Variants in OPHN1 observed in about 807,000 individuals in gnomAD.
The protein encoded by OPHN1 is oligophrenin 1, also known as oligophrenin-1.
Under a neutral mutation model 60.7 loss-of-function variants are expected in OPHN1, and 11 were observed. The ratio of observed to expected loss-of-function variants is 0.18; its 90% CI spans 0.11 to 0.30. The LOEUF (loss-of-function observed/expected upper bound fraction) is 0.30, where lower values mean the gene tolerates loss of function less well. OPHN1 is among the 10% of genes least tolerant of loss of function. OPHN1 has a pLI of 1.00. For synonymous variants in OPHN1, 226 were observed against 222.6 expected, an observed-to-expected ratio of 1.02 and a Z score of -0.14; for missense variants, 449 against 611.0, an observed-to-expected ratio of 0.73 and a Z score of 2.80.
intron 21 of OPHN1, among the ~76,000 whole-genome samples, chrX:68,057,242 G>A (rs985743730): frequency 5.4e-5 from 6 of 111,526 alleles, no homozygotes; most frequent in African/African-American, 1.6e-4. Context: ...ACCCTCATAC[G>A]TCCTAGTTTT....
intron 2 of OPHN1, among the ~76,000 whole-genome samples, chrX:68,318,650 A>C (rs760895025): frequency 2.7e-5 from 3 of 112,082 alleles, no homozygotes; most frequent in African/African-American, 6.5e-5. Context: ...TGTCACAACT[A>C]GTGAATATTG....
chrX:68,111,336 G>A (rs1292410506), intron 18 of OPHN1, among the ~76,000 whole-genome samples: 1 of 112,290 alleles, frequency 8.9e-6, no homozygotes. Context: ...GCCTATCTCA[G>A]TGCCTGTCAC....
chrX:68,122,145 G>A (rs2077152976), intron 15 of OPHN1, among the ~76,000 whole-genome samples: 1 of 111,435 alleles, frequency 9.0e-6, no homozygotes, highest in Admixed American at 9.5e-5. Flanking sequence ...AGAGGGAAAA[G>A]TAAAAGTGGA....
chrX:68,317,338 GGAAAGAAAGAAA>G (rs796692093), intron 2 of OPHN1, among the ~76,000 whole-genome samples: 46 of 28,833 alleles, frequency 1.6e-3, no homozygotes, highest in African/African-American at 4.8e-3. Flanking sequence ...AAGAAAGAGA[GGAAAGAAAGAAA>G]GAAAGAAAGA....
At chrX:68,177,579 T>C (rs2077419664) in intron 15 of OPHN1, among the ~76,000 whole-genome samples, 1 of 111,048 alleles carries the variant, frequency 9.0e-6, no homozygotes, top group African/African-American at 3.3e-5. Context: ...CTGCAGGCTA[T>C]ACAGGAAGCA....
At chrX:68,250,626 G>A (rs968373181) in intron 5 of OPHN1, among the ~76,000 whole-genome samples, 1 of 111,479 alleles carries the variant, frequency 9.0e-6, no homozygotes, top group Non-Finnish European at 1.9e-5. Flanking sequence ...GGTTTTTGTT[G>A]CTGTTGTTCC....
intron 15 of OPHN1, among the ~76,000 whole-genome samples, chrX:68,150,556 C>T (rs1399139308): frequency 2.7e-5 from 3 of 111,631 alleles, no homozygotes; most frequent in Non-Finnish European, 5.7e-5. Context: ...CATGAACTGG[C>T]ATTTGTTTAC....
chrX:68,224,969 T>C (rs2077682877), intron 6 of OPHN1, among the ~76,000 whole-genome samples: 1 of 112,301 alleles, frequency 8.9e-6, no homozygotes, highest in Admixed American at 9.4e-5. Flanking sequence ...TTCCCTTTCC[T>C]GGCCAAGGGA....
chrX:68,388,728 G>C (rs2078637276), intron 2 of OPHN1, among the ~76,000 whole-genome samples: 1 of 110,984 alleles, frequency 9.0e-6, no homozygotes. Context: ...GAAGGAACTA[G>C]GTGAGGGGCA....
intron 3 of OPHN1, among the ~76,000 whole-genome samples, chrX:68,292,281 ATTATG>A (rs767823338): frequency 1.9e-4 from 21 of 111,768 alleles, no homozygotes; most frequent in African/African-American, 6.8e-4. Flanking sequence ...TGTCAGAATT[ATTATG>A]TTATGTCTGA....
At chrX:68,176,580 T>C (rs12013298) in intron 15 of OPHN1, among the ~76,000 whole-genome samples, 38,235 of 110,608 alleles carry the variant, frequency 0.35, 5,444 homozygotes, top group African/African-American at 0.52. Flanking sequence ...TTGTGCACTG[T>C]TGGTGGCAAT....
chrX:68,382,634 G>A (rs544207678), intron 2 of OPHN1, among the ~76,000 whole-genome samples: 19 of 111,401 alleles, frequency 1.7e-4, no homozygotes, highest in Admixed American at 6.7e-4. Context: ...AGAGTAGGCC[G>A]TCTTCATAAT....
intron 6 of OPHN1, among the ~76,000 whole-genome samples, chrX:68,216,632 T>C (rs1000411115): frequency 2.7e-5 from 3 of 110,444 alleles, no homozygotes; most frequent in Non-Finnish European, 3.8e-5. Context: ...CAAAAATAAA[T>C]AAATGAGACT....
intron 12 of OPHN1, among the ~76,000 whole-genome samples, chrX:68,195,059 GAAGGAAGA>G (rs1177778437): frequency 9.0e-5 from 8 of 89,352 alleles, no homozygotes; most frequent in African/African-American, 2.3e-4. Flanking sequence ...AGGAAGGAAG[GAAGGAAGA>G]AAGAAAGAAA....
chrX:68,386,350 A>C, intron 2 of OPHN1, among the ~76,000 whole-genome samples: 1 of 112,076 alleles, frequency 8.9e-6, no homozygotes, highest in East Asian at 2.8e-4. Flanking sequence ...AATTTATGAT[A>C]ACTCCATCCA....
At chrX:68,327,690 CTTGT>C (rs1479147618) in intron 2 of OPHN1, among the ~76,000 whole-genome samples, 1 of 69,926 alleles carries the variant, frequency 1.4e-5, no homozygotes, top group Non-Finnish European at 2.5e-5. Context: ...CCTTTGTTCA[CTTGT>C]TTATCTGCTG....
rs777101832 is a variant in OPHN1, at chrX:68,398,154, A to G, written c.154+34713T>C. ...TTGCCTTTTATTTTTCTCCACCTCC[A>G]TTTATTAGCTCACTATTTGCTAGTA... On this transcript the variant is annotated intron_variant, in intron 2 of 24. Transcript: ENST00000355520. Among the ~76,000 whole-genome samples the G allele has an allele frequency of 1.4e-3, 153 of 111,600 alleles. 1 individual carries two copies. The highest frequency in any genetic ancestry group is 4.7e-3 in the African/African-American group (146 of 30,740).
intron 19 of OPHN1, among the ~76,000 whole-genome samples, chrX:68,074,759 G>A (rs1387694924): frequency 9.0e-6 from 1 of 110,590 alleles, no homozygotes; most frequent in Admixed American, 9.6e-5. Flanking sequence ...GATTTTGTTT[G>A]CTGTCTGTCT....
chrX:68,284,718 C>T (rs1412073351), intron 3 of OPHN1, among the ~76,000 whole-genome samples: 1 of 111,734 alleles, frequency 8.9e-6, no homozygotes, highest in African/African-American at 3.3e-5. Flanking sequence ...TTCCTCCCAA[C>T]ACCCAGATAA....
Sources: gnomAD v4.1 joint callset for allele counts (sites outside exome capture counted in the v4.1 genomes callset) on GRCh38, gnomAD v4.1.1 for gene constraint, MANE v1.5 for transcripts, NCBI Gene and HGNC (gene_info 2026-07-23, HGNC 2026-07-21) for gene names.